Variants in MGAT4C observed in about 807,000 individuals in gnomAD.
MGAT4C encodes MGAT4 family member C, also known as alpha-1,3-mannosyl-glycoprotein 4-beta-N-acetylglucosaminyltransferase C.
MGAT4C carries 19 observed loss-of-function variants against 40.1 expected under a neutral mutation model. The observed-to-expected ratio is 0.47, with a 90% confidence interval of 0.33 to 0.70. The LOEUF is 0.70. Among genes scored for constraint, MGAT4C ranks in the 30% least tolerant of loss-of-function variants. The probability of loss-of-function intolerance (pLI) is 0.02; values close to 1 mark genes in which losing one functional copy is unlikely to be tolerated. For synonymous variants in MGAT4C, 181 were observed against 187.1 expected (o/e 0.97, Z 0.27); for missense variants, 491 against 563.2 (o/e 0.87, Z 1.30).
rs531241111 is a variant in MGAT4C at position 86,231,186 on chromosome 12, C to A, written c.-57+25053G>T. ...AAACTTTCTAAAACATTCCCTTTAG[C>A]AAATTATTTTCTTAAGAAGTGGCAG... On this transcript the variant is annotated intron_variant, in intron 1 of 4. Transcript: ENST00000611864. Among the ~76,000 whole-genome samples, 183 of 152,208 alleles carry A rather than the reference C, an allele frequency of 1.2e-3. 3 individuals are homozygous for A. The highest frequency in any genetic ancestry group is 2.2e-3 in the Non-Finnish European group (151 of 68,014).
rs571262062 is a variant in MGAT4C, at chr12:86,323,363, G to A, written c.-57+10702C>T. ...TATTTTAATATTCAACTTGCTTTTT[G>A]TATCAGTGGTTAATTTGGTAAAGTT... On this transcript the variant is annotated intron_variant, in intron 4 of 7. Coordinates refer to the MGAT4C transcript ENST00000548651. Among the ~76,000 whole-genome samples, 211 of 151,230 alleles carry A rather than the reference G, an allele frequency of 1.4e-3. 1 individual carries two copies. Among genetic ancestry groups the A allele is most frequent in the African/African-American group, 5.0e-3 (205 of 41,348 alleles).
intron 2 of MGAT4C, among the ~76,000 whole-genome samples, chr12:86,516,335 A>T (rs1449962551): frequency 3.3e-5 from 5 of 152,172 alleles, no homozygotes; most frequent in Admixed American, 1.3e-4. Flanking sequence ...TGCCAAGATA[A>T]TTCAGCGGAG....
At position 86,246,359 on chromosome 12, in the gene MGAT4C, C is replaced by A. The variant is rs1192542209; in HGVS notation, c.-57+9880G>T. ...CGTCAACCATTGCTTCTTAGAGTATCCTGCAACCTTCTAGAGAGTCTAGGT... is the reference window on the plus strand; with the variant it reads ...CGTCAACCATTGCTTCTTAGAGTATACTGCAACCTTCTAGAGAGTCTAGGT... On this transcript the variant is annotated intron_variant, in intron 1 of 4. Coordinates refer to ENST00000611864, the MANE Select transcript of MGAT4C (RefSeq NM_001351288.2). Among the ~76,000 whole-genome samples the A allele has an allele frequency of 2.6e-5, 4 of 151,758 alleles. No homozygotes were observed. The East Asian group carries it at 5.8e-4, about 22-fold the overall frequency.
intron 1 of MGAT4C, among the ~76,000 whole-genome samples, chr12:86,248,938 T>C (rs187753750): frequency 7.2e-5 from 11 of 152,304 alleles, no homozygotes; most frequent in African/African-American, 9.6e-5. Flanking sequence ...ATTATTTATT[T>C]GTGTTCACTG....
chr12:86,196,484 G>C (rs1019464704), intron 1 of MGAT4C, among the ~76,000 whole-genome samples: 3 of 152,224 alleles, frequency 2.0e-5, no homozygotes, highest in Admixed American at 1.3e-4. Context: ...TGAGACCAAA[G>C]AGAAAACACC....
At chr12:86,002,994 T>G (rs967017384) in intron 2 of MGAT4C, among the ~76,000 whole-genome samples, 6 of 151,864 alleles carry the variant, frequency 4.0e-5, no homozygotes, top group Non-Finnish European at 8.8e-5. Flanking sequence ...AGAGATGGGG[T>G]CTCACCATGT....
intron 3 of MGAT4C, among the ~76,000 whole-genome samples, chr12:86,386,177 G>A (rs1165504927): frequency 2.0e-5 from 3 of 152,202 alleles, no homozygotes; most frequent in South Asian, 2.1e-4. Flanking sequence ...TGATCCACCC[G>A]CCTCGGCCTC....
At chr12:86,777,865 C>T (rs1462541381) in intron 1 of MGAT4C, among the ~76,000 whole-genome samples, 2 of 152,098 alleles carry the variant, frequency 1.3e-5, no homozygotes, top group Non-Finnish European at 2.9e-5. Flanking sequence ...CAGGGATGTC[C>T]ATCTCCTATA....
At chr12:86,453,057 T>C (rs1349496693) in intron 2 of MGAT4C, among the ~76,000 whole-genome samples, 2 of 152,190 alleles carry the variant, frequency 1.3e-5, no homozygotes, top group East Asian at 3.9e-4. Flanking sequence ...GTTACTATAT[T>C]ATAGACAGAA....
At chr12:85,983,463 T>G in intron 4 of MGAT4C, 60 bp downstream of exon 4, 1 of 1,376,432 alleles carries the variant, frequency 7.3e-7, no homozygotes, top group East Asian at 2.5e-5. Flanking sequence ...TGTGAAACTA[T>G]CATTATTTTA....
chr12:86,581,851 T>A (rs1960791360), intron 2 of MGAT4C, among the ~76,000 whole-genome samples: 1 of 151,472 alleles, frequency 6.6e-6, no homozygotes, highest in African/African-American at 2.4e-5. Flanking sequence ...AATTAAGGAA[T>A]GTGCTGTGCT....
At chr12:86,796,388 A>G (rs1187713102) in intron 1 of MGAT4C, among the ~76,000 whole-genome samples, 1 of 152,024 alleles carries the variant, frequency 6.6e-6, no homozygotes, top group East Asian at 1.9e-4. Context: ...TTCATATTCT[A>G]AAGAAGAAAG....
At chr12:86,803,066 G>T (rs1197348411) in intron 1 of MGAT4C, among the ~76,000 whole-genome samples, 1 of 139,660 alleles carries the variant, frequency 7.2e-6, no homozygotes, top group South Asian at 2.3e-4. Context: ...CCAAAACAGA[G>T]ATATAGATCA....
At chr12:86,459,096 TA>T (rs1957553175) in intron 2 of MGAT4C, among the ~76,000 whole-genome samples, 1 of 152,170 alleles carries the variant, frequency 6.6e-6, no homozygotes, top group South Asian at 2.1e-4. Context: ...ACTGTAGTAA[TA>T]GAACATGTAT....
chr12:86,560,812 G>C (rs1033308535), intron 2 of MGAT4C, among the ~76,000 whole-genome samples: 1 of 152,018 alleles, frequency 6.6e-6, no homozygotes, highest in Non-Finnish European at 1.5e-5. Context: ...ATCAGAGAAA[G>C]AAATAAAACA....
intron 4 of MGAT4C, among the ~76,000 whole-genome samples, chr12:86,278,170 T>G (rs1953123637): frequency 7.1e-6 from 1 of 140,262 alleles, no homozygotes; most frequent in African/African-American, 2.6e-5. Context: ...GATTAGTTTG[T>G]TGACTTCCTT....
At chr12:86,818,605 G>A (rs71452151) in intron 1 of MGAT4C, among the ~76,000 whole-genome samples, 19,158 of 150,902 alleles carry the variant, frequency 0.13, 1,341 homozygotes, top group Non-Finnish European at 0.15. Flanking sequence ...GAAGCACAAC[G>A]GCTCCCGTGT....
intron 2 of MGAT4C, among the ~76,000 whole-genome samples, chr12:86,020,472 A>G (rs1388245855): frequency 6.6e-6 from 1 of 152,184 alleles, no homozygotes; most frequent in Non-Finnish European, 1.5e-5. Flanking sequence ...CCTGACAAAA[A>G]CAAGAGATGG....
At chr12:86,171,367 C>T (rs187456655) in intron 1 of MGAT4C, among the ~76,000 whole-genome samples, 42 of 152,058 alleles carry the variant, frequency 2.8e-4, no homozygotes, top group Non-Finnish European at 5.0e-4. Flanking sequence ...GAAATTCCAT[C>T]TCAAAAAAAT....
Sources: gnomAD v4.1 joint callset for allele counts (sites outside exome capture counted in the v4.1 genomes callset) on GRCh38, gnomAD v4.1.1 for gene constraint, MANE v1.5 for transcripts, NCBI Gene and HGNC (gene_info 2026-07-23, HGNC 2026-07-21) for gene names.